The following GRB7 variants were observed in gnomAD, a reference collection of about 807,000 sequenced individuals.
GRB7 encodes the protein growth factor receptor bound protein 7.
In GRB7, 47 loss-of-function variants were observed where a neutral mutation model predicts 64.1. The ratio of observed to expected loss-of-function variants is 0.73; its 90% CI spans 0.58 to 0.94. The LOEUF is 0.94. GRB7 is among the 40% of genes least tolerant of loss of function. The probability of loss-of-function intolerance (pLI) is 0.00; values close to 1 mark genes in which losing one functional copy is unlikely to be tolerated. For synonymous variants in GRB7, 277 were observed against 279.9 expected (o/e 0.99, Z 0.10); for missense variants, 634 against 718.4 (o/e 0.88, Z 1.34).
rs768444573 is a variant in GRB7 at position 39,745,353 on chromosome 17, G to C, written c.1092+30G>C. On this transcript the variant is annotated intron_variant, in intron 10 of 14. Transcript: ENST00000309156. ...GTGTGCCCAAGGGGATGGGAGGGTG[G>C]GTATGCAGGCCCTGTCTTACGGGTA... The C allele has an allele frequency of 3.1e-6, 5 of 1,605,490 alleles. No individual in the cohort carries two copies. The Admixed American group carries it at 8.4e-5, about 27-fold the overall frequency.
chr17:39,747,024 A>G lies in GRB7; in HGVS notation c.*127A>G. 3.0e-6 allele frequency: 3 copies of G among 996,402 alleles called. No individual in the cohort carries two copies. The highest frequency in any genetic ancestry group is 2.6e-5 in the Admixed American group (1 of 38,322). 61.7% of individuals were successfully genotyped at this position (996,402 alleles called of 1,614,324 possible). On this transcript the variant is annotated 3_prime_UTR_variant, in exon 15 of 15. Coordinates refer to ENST00000309156, the MANE Select transcript of GRB7 (RefSeq NM_005310.5). ...AGGAGCGGGAGGGTTCCGCCACTCCAGTTTTCTCCTCTGCTTCTTTGCCTC... is the reference window on the plus strand; with the variant it reads ...AGGAGCGGGAGGGTTCCGCCACTCCGGTTTTCTCCTCTGCTTCTTTGCCTC...
At position 39,746,751 on chromosome 17, in the gene GRB7, A is replaced by AT; in HGVS notation, c.1453_1454insT (p.Ser485MetfsTer13). On this transcript the variant is annotated frameshift_variant and splice_region_variant, in exon 15 of 15. Transcript: ENST00000309156. LOFTEE classifies it high-confidence loss of function. ...TTCCACCCCCTTTACTGTACCCCAG[A>AT]GCGAGGAGGAGGGCCGCCTGTACTT... is the stretch of plus-strand genomic sequence containing the variant. 1 of 1,613,812 alleles carries AT rather than the reference A, an allele frequency of 6.2e-7. No individual in the cohort carries two copies. The highest frequency in any genetic ancestry group is 8.5e-7 in the Non-Finnish European group (1 of 1,179,916).
rs957320153 is a variant in GRB7, at chr17:39,742,389, C to G, written c.88C>G (p.Pro30Ala). 3.1e-6 allele frequency: 5 copies of G among 1,613,818 alleles called. No individual in the cohort carries two copies. The African/African-American group carries it at 5.3e-5, about 17-fold the overall frequency. Reference sequence around the variant, plus strand: ...TGGGACCCCTCCTGGGACTCCCCGGCCCCCTGATACCCCTCTGCCTGAGGA... The same window carrying G: ...TGGGACCCCTCCTGGGACTCCCCGGGCCCCTGATACCCCTCTGCCTGAGGA... ...APGTPPGTPR[P>A]PDTPLPEEVK... is the part of the protein sequence containing the mutation. The change falls in exon 2 of 15, where the codon CCC becomes GCC. Residue 30 changes from proline (P) to alanine (A), a missense_variant. Coordinates refer to ENST00000309156, the MANE Select transcript of GRB7 (RefSeq NM_005310.5).
At chr17:39,742,828 T>C in intron 3 of GRB7, 70 bp from the exon 4 acceptor site, 1 of 1,535,918 alleles carries the variant, frequency 6.5e-7, no homozygotes, top group Non-Finnish European at 8.8e-7. Context: ...CCTGAGGGTC[T>C]AGCAGGTGCG....
In GRB7 at chr17:39,745,250, T is replaced by C; in HGVS notation, c.1019T>C (p.Val340Ala). Residue 340 changes from valine to alanine, a missense_variant, in exon 10 of 15, where the codon GTG becomes GCG. Val to Ala is a moderately conservative substitution (Grantham distance 64). This residue lies in a region of GRB7 where 467 missense variants were observed against 576.6 expected (regional missense o/e 0.81). Transcript: ENST00000309156. ...LAAFRLFKYG[V>A]QLYKNYQQAQ... ...TTCTCTCCCCACCCCCAGTACGGGG[T>C]GCAGCTGTACAAGAATTACCAGCAG... 1 of 1,607,770 alleles carries C rather than the reference T, an allele frequency of 6.2e-7. No homozygotes were observed. Among genetic ancestry groups the C allele is most frequent in the Non-Finnish European group, 8.5e-7 (1 of 1,176,408 alleles).
intron 6 of GRB7, 146 bp from the exon 7 acceptor site, chr17:39,743,924 T>G (rs1597906056): frequency 3.3e-6 from 3 of 903,902 alleles, no homozygotes; most frequent in South Asian, 1.9e-5. Context: ...GCTCGGGAGG[T>G]CGAGGTTGCA....
chr17:39,747,011 G>A lies in GRB7; in HGVS notation c.*114G>A. 1 of 1,161,256 alleles carries A rather than the reference G, an allele frequency of 8.6e-7. No individual in the cohort carries two copies. The highest frequency in any genetic ancestry group is 1.2e-6 in the Non-Finnish European group (1 of 833,726). The allele number at this position is 1,161,256 out of a possible 1,614,324, so 71.9% of individuals were successfully genotyped here. A position where few individuals can be genotyped will look rare whatever the true frequency, so the allele number is the denominator to read the frequency against. ...AGGGGACGGGATGAGGAGCGGGAGGGTTCCGCCACTCCAGTTTTCTCCTCT... is the reference window on the plus strand; with the variant it reads ...AGGGGACGGGATGAGGAGCGGGAGGATTCCGCCACTCCAGTTTTCTCCTCT... On this transcript the variant is annotated 3_prime_UTR_variant, in exon 15 of 15. Transcript: ENST00000309156.
rs1480638103 is a variant in GRB7 at position 39,742,908 on chromosome 17, T to A, written c.317T>A (p.Val106Glu). The change falls in exon 4 of 15, where the codon GTG becomes GAG. Residue 106 changes from valine to glutamate, a missense_variant. By Grantham distance (121) the Val-to-Glu change is moderately radical. Coordinates refer to ENST00000309156, the MANE Select transcript of GRB7 (RefSeq NM_005310.5). ...ATTCCTGGGGCGCAGGTAGTAAAGG[T>A]GTACAGTGAGGATGGGGCCTGCAGG... Reference protein sequence around the residue: ...RDASRPHVVKVYSEDGACRSV... With the variant: ...RDASRPHVVKEYSEDGACRSV... 6.3e-7 allele frequency: 1 copy of A among 1,597,232 alleles called. No individual in the cohort carries two copies. Among genetic ancestry groups the A allele is most frequent in the African/African-American group, 1.3e-5 (1 of 74,382 alleles).
In GRB7 at chr17:39,742,256, A is replaced by T; in HGVS notation, c.-46A>T. 6.2e-7 allele frequency: 1 copy of T among 1,611,196 alleles called. No homozygotes were observed. The highest frequency in any genetic ancestry group is 2.2e-5 in the East Asian group (1 of 44,858). On this transcript the variant is annotated 5_prime_UTR_variant, in exon 2 of 15. The change creates a new upstream start codon in the 5' untranslated region. Coordinates refer to ENST00000309156, the MANE Select transcript of GRB7 (RefSeq NM_005310.5). The stretch of plus-strand genomic sequence containing the variant: ...TCTCTCATCCCCTCTCCCCAGGACA[A>T]GGGCACACAACTGGTTCCGTTAAGC...
chr17:39,742,461 G>A lies in GRB7; in HGVS notation c.155+5G>A. On this transcript the variant is annotated splice_donor_5th_base_variant and intron_variant, in intron 2 of 14. Coordinates refer to ENST00000309156, the MANE Select transcript of GRB7 (RefSeq NM_005310.5). Reference sequence around the variant, plus strand: ...CCTCATCCCAACCACCGGCAGGTACGATGGGGCGTGGGGCTTGGGGGAGGT... The same window carrying A: ...CCTCATCCCAACCACCGGCAGGTACAATGGGGCGTGGGGCTTGGGGGAGGT... 1.9e-6 allele frequency: 3 copies of A among 1,613,788 alleles called. No individual in the cohort carries two copies. Among genetic ancestry groups the A allele is most frequent in the Non-Finnish European group, 2.5e-6 (3 of 1,179,886 alleles).
intron 13 of GRB7, 32 bp from the exon 14 acceptor site, chr17:39,746,077 G>T: frequency 6.2e-7 from 1 of 1,611,740 alleles, no homozygotes; most frequent in Non-Finnish European, 8.5e-7. Context: ...TCCTTGGGTA[G>T]TAATGCTGCC....
Position 39,740,912 on chromosome 17 carries a change from C to G in GRB7, c.-50-1340C>G, listed in dbSNP as rs565167877. On this transcript the variant is annotated intron_variant, in intron 1 of 14. Transcript: ENST00000309156. ...CTCCTGAGGGGTCAATCCCAGGTGC[C>G]CCAGGTGGCCTCATAGTACTGGCCC... is the stretch of plus-strand genomic sequence containing the variant. 2.0e-5 allele frequency among the ~76,000 whole-genome samples: 3 copies of G among 152,258 alleles called. No individual in the cohort carries two copies. The South Asian group carries it at 6.2e-4, about 32-fold the overall frequency.
Position 39,742,696 on chromosome 17 carries a change from C to G in GRB7, c.286C>G (p.Arg96Gly). Reference protein sequence around the residue: ...GPSSARGLLPRDASRPHVVKV... With the variant: ...GPSSARGLLPGDASRPHVVKV... ...CTCCAGTGCAAGGGGGCTGCTCCCC[C>G]GCGATGCCAGCCGCCCCCATGTGAG... The change falls in exon 3 of 15, where the codon CGC becomes GGC. Residue 96 changes from arginine (R) to glycine (G), a missense_variant. By Grantham distance (125) the Arg-to-Gly change is moderately radical. Transcript: ENST00000309156. 6.4e-7 allele frequency: 1 copy of G among 1,570,176 alleles called. No homozygotes were observed.
In GRB7 at chr17:39,747,068, C is replaced by T. The variant is rs984248802; in HGVS notation, c.*171C>T. 42 of 702,452 alleles carry T rather than the reference C, an allele frequency of 6.0e-5. No individual in the cohort carries two copies. Among genetic ancestry groups the T allele is most frequent in the Non-Finnish European group, 9.5e-5 (41 of 432,698 alleles). The allele number at this position is 702,452 out of a possible 1,614,324, so 43.5% of individuals were successfully genotyped here. On this transcript the variant is annotated 3_prime_UTR_variant, in exon 15 of 15. Coordinates refer to ENST00000309156, the MANE Select transcript of GRB7 (RefSeq NM_005310.5). The stretch of plus-strand genomic sequence containing the variant: ...TTGCCTCCCTCAGATAGAAAACAGC[C>T]CCCACTCCAGTCCACTCCTGACCCC...
intron 1 of GRB7, chr17:39,738,437 C>G (rs2059969065): frequency 6.5e-6 from 1 of 153,606 alleles, no homozygotes; most frequent in Non-Finnish European, 1.4e-5. Context: ...CAGGCACGGC[C>G]GGTCTGGAGG....
At chr17:39,739,335 T>G (rs1444176918) in intron 1 of GRB7, among the ~76,000 whole-genome samples, 1 of 152,170 alleles carries the variant, frequency 6.6e-6, no homozygotes, top group African/African-American at 2.4e-5. Flanking sequence ...AATTAAACTT[T>G]AAAAGAGCTG....
rs1258700630 is a variant in GRB7 at position 39,745,481 on chromosome 17, C to A, written c.1152C>A (p.Val384=). ...AMDFSGHAGR[V]IENPREALSV... is the part of the protein sequence containing the mutation. Reference sequence around the variant, plus strand: ...ACTTCTCTGGCCATGCTGGGCGTGTCATTGAGAACCCCCGGGAGGCTCTGA... The same window carrying A: ...ACTTCTCTGGCCATGCTGGGCGTGTAATTGAGAACCCCCGGGAGGCTCTGA... Residue 384 remains valine (V), a synonymous_variant, in exon 11 of 15, where the codon GTC becomes GTA. Transcript: ENST00000309156. The A allele has an allele frequency of 1.2e-6, 2 of 1,614,028 alleles. No individual in the cohort carries two copies. The highest frequency in any genetic ancestry group is 2.2e-5 in the South Asian group (2 of 91,050).
At chr17:39,743,756 C>CAA (rs2060017806) in intron 6 of GRB7, 1 of 425,796 alleles carries the variant, frequency 2.3e-6, no homozygotes, top group East Asian at 4.6e-5. Flanking sequence ...GGGAGGATTA[C>CAA]TTAAGCCTAG....
At chr17:39,739,115 G>A (rs1270940621) in intron 1 of GRB7, 7 of 406,146 alleles carry the variant, frequency 1.7e-5, no homozygotes, top group Admixed American at 3.9e-5. Context: ...TGAGGACAGA[G>A]AATGAATGCA....
Sources: gnomAD v4.1 joint callset for allele counts (sites outside exome capture counted in the v4.1 genomes callset) on GRCh38, gnomAD v4.1.1 for gene constraint, gnomAD v4.1.1 regional missense constraint, MANE v1.5 for transcripts, NCBI Gene and HGNC (gene_info 2026-07-23, HGNC 2026-07-21) for gene names.